The following NPL variants were observed in gnomAD, a reference collection of about 807,000 sequenced individuals.
NPL encodes the protein N-acetylneuraminate lyase.
NPL carries 32 observed loss-of-function variants against 41.1 expected under a neutral mutation model. The ratio of observed to expected loss-of-function variants is 0.78; its 90% CI spans 0.59 to 1.05. NPL has a LOEUF of 1.05. Among genes scored for constraint, NPL ranks in the 50% least tolerant of loss-of-function variants. NPL has a pLI of 0.00. For synonymous variants in NPL, 128 were observed against 134.9 expected (o/e 0.95, Z 0.35); for missense variants, 321 against 378.4 (o/e 0.85, Z 1.26).
Position 182,828,926 on chromosome 1 carries a change from A to C in NPL, c.*18A>C. 6.2e-7 allele frequency: 1 copy of C among 1,613,912 alleles called. No homozygotes were observed. Among genetic ancestry groups the C allele is most frequent in the Non-Finnish European group, 8.5e-7 (1 of 1,180,032 alleles). On this transcript the variant is annotated 3_prime_UTR_variant, in exon 13 of 13. Transcript: ENST00000367553. The surrounding 1 kb of genome is among the most constrained non-coding windows in gnomAD (Gnocchi z 4.0). ...GTAGCTAGTGCCTCTCTATCAAATC[A>C]GGGTTTGCACCTTGAGACATAATCT...
intron 5 of NPL, among the ~76,000 whole-genome samples, chr1:182,811,722 A>G (rs1317275777): frequency 6.6e-6 from 1 of 152,196 alleles, no homozygotes; most frequent in Non-Finnish European, 1.5e-5. Context: ...TTTTCAGCAT[A>G]TATTTCTGCT....
In NPL at chr1:182,806,401, C is replaced by T. The variant is rs1667011610; in HGVS notation, c.230+169C>T. 4 of 1,541,734 alleles carry T rather than the reference C, an allele frequency of 2.6e-6. No homozygotes were observed. In the East Asian group the frequency reaches 9.8e-5, roughly 38 times the overall value. ...GATCCTGGCTTCTTGGAGAAGAGCC[C>T]CCTCCCTTTCTGTGCAGAAGGGCAG... is the stretch of plus-strand genomic sequence containing the variant. On this transcript the variant is annotated intron_variant, in intron 5 of 12. Transcript: ENST00000367553.
At chr1:182,793,249 A>G (rs546864254) in intron 2 of NPL, among the ~76,000 whole-genome samples, 1 of 152,314 alleles carries the variant, frequency 6.6e-6, no homozygotes, top group East Asian at 1.9e-4. Context: ...GAGTTGAACC[A>G]GGTGGTCTGC....
Position 182,811,601 on chromosome 1 carries a change from G to A in NPL, c.231-555G>A, listed in dbSNP as rs144662839. The stretch of plus-strand genomic sequence containing the variant: ...TTTTTTGTAAGCATGTATATAAGAC[G>A]AATTTCTACAGACTCCAATTTAAGA... On this transcript the variant is annotated intron_variant, in intron 5 of 12. Coordinates refer to ENST00000367553, the MANE Select transcript of NPL (RefSeq NM_030769.3). Among the ~76,000 whole-genome samples the A allele has an allele frequency of 2.6e-5, 4 of 152,174 alleles. No individual in the cohort carries two copies. The East Asian group carries it at 5.8e-4, about 22-fold the overall frequency.
chr1:182,816,401 G>A (rs571210209), intron 7 of NPL, among the ~76,000 whole-genome samples: 5 of 150,588 alleles, frequency 3.3e-5, no homozygotes, highest in African/African-American at 1.0e-4. Context: ...GACGACAAGA[G>A]TCTCACATGA....
chr1:182,796,460 A>G (rs1571422512), intron 3 of NPL, among the ~76,000 whole-genome samples: 1 of 152,194 alleles, frequency 6.6e-6, no homozygotes. Context: ...CTGCCAGGTG[A>G]CCTGCCATTG....
intron 6 of NPL, among the ~76,000 whole-genome samples, chr1:182,813,767 G>T (rs896419176): frequency 6.6e-6 from 1 of 152,192 alleles, no homozygotes; most frequent in East Asian, 1.9e-4. Flanking sequence ...ATTGGATGAT[G>T]CTTGAATGGA....
intron 12 of NPL, among the ~76,000 whole-genome samples, chr1:182,827,374 C>T (rs374761253): frequency 6.6e-6 from 1 of 152,130 alleles, no homozygotes; most frequent in Non-Finnish European, 1.5e-5. Flanking sequence ...AAGGCTTTGT[C>T]TTTCTTTAGT....
intron 4 of NPL, among the ~76,000 whole-genome samples, chr1:182,805,763 A>G (rs1268428318): frequency 2.0e-5 from 3 of 152,226 alleles, no homozygotes; most frequent in Non-Finnish European, 4.4e-5. Context: ...AAGCACCCGC[A>G]TGAGTAACTC....
chr1:182,806,602 C>T, intron 5 of NPL: 1 of 1,495,546 alleles, frequency 6.7e-7, no homozygotes, highest in Non-Finnish European at 8.9e-7. Context: ...ACACCCCTTC[C>T]CTTCTTGGGA....
At chr1:182,814,745 T>C in intron 6 of NPL, 38 bp from the exon 7 acceptor site, 4 of 1,549,138 alleles carry the variant, frequency 2.6e-6, no homozygotes, top group Non-Finnish European at 3.6e-6. Context: ...CTATAGTAAA[T>C]CACTTGCTCC....
chr1:182,823,155 G>A (rs1667536223), intron 11 of NPL, among the ~76,000 whole-genome samples: 1 of 152,218 alleles, frequency 6.6e-6, no homozygotes, highest in Non-Finnish European at 1.5e-5. Flanking sequence ...GATAGTATAA[G>A]TGGTTGAGAG....
intron 3 of NPL, among the ~76,000 whole-genome samples, chr1:182,796,346 C>T (rs1400034401): frequency 2.6e-5 from 4 of 152,042 alleles, no homozygotes; most frequent in South Asian, 2.1e-4. Flanking sequence ...ACCAAGAACA[C>T]GTAGGCTTTA....
intron 10 of NPL, among the ~76,000 whole-genome samples, chr1:182,820,554 T>C (rs898296666): frequency 6.6e-6 from 1 of 152,146 alleles, no homozygotes; most frequent in African/African-American, 2.4e-5. Flanking sequence ...AGAAAAGAAG[T>C]TTAATTGGCT....
At chr1:182,823,405 G>A (rs1488208556) in intron 11 of NPL, among the ~76,000 whole-genome samples, 2 of 152,182 alleles carry the variant, frequency 1.3e-5, no homozygotes, top group East Asian at 1.9e-4. Context: ...CTACCCGTAG[G>A]CCTCAAAGTT....
chr1:182,812,215 T>A lies in NPL; in HGVS notation c.288+2T>A. The A allele has an allele frequency of 1.2e-6, 2 of 1,612,318 alleles. No individual in the cohort carries two copies. The highest frequency in any genetic ancestry group is 1.7e-6 in the Non-Finnish European group (2 of 1,178,356). ...AGCTTGAAGGAGTCACAGGAACTGG[T>A]ATGTATGCAGTTCCATCTGGGAGAG... On this transcript the variant is annotated splice_donor_variant, in intron 6 of 12. Coordinates refer to ENST00000367553, the MANE Select transcript of NPL (RefSeq NM_030769.3). LOFTEE classifies it high-confidence loss of function.
chr1:182,820,049 C>T (rs1049196111), intron 10 of NPL, among the ~76,000 whole-genome samples: 5 of 152,182 alleles, frequency 3.3e-5, no homozygotes, highest in African/African-American at 1.2e-4. Context: ...CTTTATTTCT[C>T]TTCTCTCTCT....
intron 11 of NPL, among the ~76,000 whole-genome samples, chr1:182,824,377 T>C (rs944405153): frequency 6.6e-6 from 1 of 152,266 alleles, no homozygotes; most frequent in African/African-American, 2.4e-5. Flanking sequence ...TGTAAGTCTC[T>C]GGGTATTAAA....
In NPL at chr1:182,825,788, TC is replaced by T. The variant is rs2102570514; in HGVS notation, c.748del (p.Gln250ArgfsTer10). 6.3e-7 allele frequency: 1 copy of T among 1,585,170 alleles called. No individual in the cohort carries two copies. Among genetic ancestry groups the T allele is most frequent in the East Asian group, 2.2e-5 (1 of 44,736 alleles). ...FSLALNYQFC[I>X]QRFINFVVKL... Reference sequence around the variant, plus strand: ...TATGTTGTTCTTTTCTAGTTTTGTATCCAGAGATTTATCAACTTTGTTGTCA... The same window carrying T: ...TATGTTGTTCTTTTCTAGTTTTGTATCAGAGATTTATCAACTTTGTTGTCA... On this transcript the variant is annotated frameshift_variant, in exon 12 of 13. Coordinates refer to ENST00000367553, the MANE Select transcript of NPL (RefSeq NM_030769.3). LOFTEE classifies it high-confidence loss of function.
Sources: allele counts gnomAD v4.1 joint callset (sites outside exome capture counted in the v4.1 genomes callset), GRCh38; gene constraint gnomAD v4.1.1; non-coding constraint Gnocchi (gnomAD v3.1); transcripts MANE v1.5; gene names NCBI Gene and HGNC (gene_info 2026-07-23, HGNC 2026-07-21).